Variants in OS9 observed in about 807,000 individuals in gnomAD.
The protein encoded by OS9 is OS9 endoplasmic reticulum lectin.
OS9 carries 58 observed loss-of-function variants against 84.7 expected under a neutral mutation model. The observed-to-expected ratio is 0.68, with a 90% CI of 0.55 to 0.85. The LOEUF is 0.85. OS9 is among the 40% of genes least tolerant of loss of function. OS9 has a pLI of 0.00. For missense variants in OS9, 760 were observed against 850.9 expected, an observed-to-expected ratio of 0.89 and a Z score of 1.33; for synonymous variants, 278 against 320.8, an observed-to-expected ratio of 0.87 and a Z score of 1.43.
chr12:57,696,225 T>A, intron 4 of OS9, 50 bp from the exon 5 acceptor site: 1 of 1,456,746 alleles, frequency 6.9e-7, no homozygotes, highest in Non-Finnish European at 9.6e-7. Flanking sequence ...CCATCCTTCC[T>A]CTTTGCTATC....
Position 57,717,903 on chromosome 12 carries a change from G to A in OS9, c.1079G>A (p.Arg360Gln), listed in dbSNP as rs1352883763. ...FQNNVQVKVI[R>Q]SPADLIRFIE... ...AACAACGTGCAGGTCAAAGTCATTC[G>A]AAGCCCTGCGGATTTGATTCGATTC... is the stretch of plus-strand genomic sequence containing the variant. Residue 360 changes from arginine (R) to glutamine (Q), a missense_variant, in exon 10 of 15, where the codon CGA becomes CAA. Transcript: ENST00000315970. The A allele has an allele frequency of 5.6e-6, 9 of 1,610,778 alleles. No homozygotes were observed. Among genetic ancestry groups the A allele is most frequent in the Admixed American group, 5.0e-5 (3 of 59,652 alleles).
rs201904620 is a variant in OS9, at chr12:57,720,241, G to A, written c.1743G>A (p.Glu581=). 6.2e-7 allele frequency: 1 copy of A among 1,614,064 alleles called. No homozygotes were observed. The change falls in exon 13 of 15, where the codon GAG becomes GAA. Residue 581 remains glutamate (E), a synonymous_variant. Transcript: ENST00000315970. ...QIEGLVKELL[E]REGLTAAGKI... is the part of the protein sequence containing the mutation. ...AGGGGCTGGTGAAGGAGCTGCTGGAGAGGGAGGGACTCACAGCTGCAGGTG... is the reference window on the plus strand; with the variant it reads ...AGGGGCTGGTGAAGGAGCTGCTGGAAAGGGAGGGACTCACAGCTGCAGGTG...
At position 57,697,333 on chromosome 12, in the gene OS9, A is replaced by G. The variant is rs112764724; in HGVS notation, c.579+960A>G. Among the ~76,000 whole-genome samples the G allele has an allele frequency of 3.7e-3, 569 of 152,342 alleles. 13 individuals are homozygous for G. The South Asian group carries it at 0.066, about 18-fold the overall frequency. ...TCTGTTCAGTCCTGAAAAACCTTCA[A>G]TGTTTCTGCCTTGCACAAAGGCTAA... On this transcript the variant is annotated intron_variant, in intron 5 of 14. Transcript: ENST00000315970.
At chr12:57,695,349 T>G in intron 2 of OS9, 1 of 384,098 alleles carries the variant, frequency 2.6e-6, no homozygotes. Context: ...GAGTGTAAAC[T>G]CCATGAGGTC....
chr12:57,695,228 C>T (rs753547048), intron 2 of OS9: 26 of 443,098 alleles, frequency 5.9e-5, no homozygotes, highest in African/African-American at 4.0e-4. Context: ...CACCCCCTGC[C>T]CTATCACTCT....
At position 57,720,166 on chromosome 12, in the gene OS9, T is replaced by C; in HGVS notation, c.1668T>C (p.Asp556=). Residue 556 remains aspartate, a synonymous_variant, in exon 13 of 15, where the codon GAT becomes GAC. Transcript: ENST00000315970. ...TKLRLGGPNQ[D]LTVLEMKREN... ...TCCGTCTCGGAGGCCCTAATCAGGA[T>C]CTGACTGTCCTCGAGATGAAACGGG... 1 of 1,614,136 alleles carries C rather than the reference T, an allele frequency of 6.2e-7. No homozygotes were observed. Among genetic ancestry groups the C allele is most frequent in the Non-Finnish European group, 8.5e-7 (1 of 1,180,022 alleles).
chr12:57,713,099 G>C (rs904164419), intron 5 of OS9, among the ~76,000 whole-genome samples: 1 of 152,152 alleles, frequency 6.6e-6, no homozygotes, highest in African/African-American at 2.4e-5. Context: ...CCCTTTCCCT[G>C]GTTCTCTCTG....
At chr12:57,712,013 T>C (rs1182991703) in intron 5 of OS9, among the ~76,000 whole-genome samples, 1 of 152,238 alleles carries the variant, frequency 6.6e-6, no homozygotes, top group Non-Finnish European at 1.5e-5. Context: ...TTTTAAACTT[T>C]TTATTACAGA....
chr12:57,697,206 A>G (rs1278888203), intron 5 of OS9, among the ~76,000 whole-genome samples: 1 of 152,352 alleles, frequency 6.6e-6, no homozygotes, highest in East Asian at 1.9e-4. Flanking sequence ...CCTGTGGTAT[A>G]AATACTCCCA....
chr12:57,715,674 C>A, intron 5 of OS9, 86 bp from the exon 6 acceptor site: 1 of 901,658 alleles, frequency 1.1e-6, no homozygotes, highest in South Asian at 1.6e-5. Flanking sequence ...GACAGATAAT[C>A]AGTGCTTAGT....
Position 57,694,169 on chromosome 12 carries a change from CG to C in OS9, c.10del (p.Glu4LysfsTer8). 6.2e-7 allele frequency: 1 copy of C among 1,614,040 alleles called. No homozygotes were observed. Among genetic ancestry groups the C allele is most frequent in the Middle Eastern group, 1.6e-4 (1 of 6,062 alleles). MA[A>X]ETLLSSLLGL... is the part of the protein sequence containing the mutation. ...TAAGAAGGGGAACGAAAGATGGCGG[CG>C]GAAACGCTGCTGTCCAGTTTGTTAG... On this transcript the variant is annotated frameshift_variant, in exon 1 of 15. Transcript: ENST00000315970. LOFTEE classifies it high-confidence loss of function.
At chr12:57,707,826 A>G (rs1443095490) in intron 5 of OS9, among the ~76,000 whole-genome samples, 1 of 151,896 alleles carries the variant, frequency 6.6e-6, no homozygotes, top group African/African-American at 2.4e-5. Flanking sequence ...ATGGTAGCTC[A>G]TGCCCTATAA....
Position 57,720,228 on chromosome 12 carries a change from A to C in OS9, c.1730A>C (p.Lys577Thr). 6.2e-7 allele frequency: 1 copy of C among 1,614,138 alleles called. No homozygotes were observed. Among genetic ancestry groups the C allele is most frequent in the Non-Finnish European group, 8.5e-7 (1 of 1,180,022 alleles). Residue 577 changes from lysine to threonine, a missense_variant, in exon 13 of 15, where the codon AAG becomes ACG. Lys to Thr is a moderately conservative substitution (Grantham distance 78, BLOSUM62 -1). Coordinates refer to ENST00000315970, the MANE Select transcript of OS9 (RefSeq NM_006812.4). ...CTGAAACAAATCGAGGGGCTGGTGA[A>C]GGAGCTGCTGGAGAGGGAGGGACTC... is the stretch of plus-strand genomic sequence containing the variant. ...PQLKQIEGLV[K>T]ELLEREGLTA...
rs1361271405 is a variant in OS9 at position 57,695,500 on chromosome 12, T to C, written c.340-280T>C. The C allele has an allele frequency of 4.7e-6, 3 of 635,390 alleles. No individual in the cohort carries two copies. The African/African-American group carries it at 5.4e-5, about 11-fold the overall frequency. 39.4% of individuals were successfully genotyped at this position (635,390 alleles called of 1,614,324 possible). A position where few individuals can be genotyped will look rare whatever the true frequency, so the allele number is the denominator to read the frequency against. ...GCTTCAGGGATACCATAATTTCTTA[T>C]CTTTATGGAGGGCAAATAAGGATTT... On this transcript the variant is annotated intron_variant, in intron 2 of 14. Transcript: ENST00000315970.
In OS9 at chr12:57,721,225, T is replaced by C. The variant is rs1954672170; in HGVS notation, c.*316T>C. On this transcript the variant is annotated 3_prime_UTR_variant, in exon 15 of 15. Coordinates refer to ENST00000315970, the MANE Select transcript of OS9 (RefSeq NM_006812.4). ...TATTCCCTGCTGCCTACCTGGAGAT[T>C]CAGTAGGATCTTTTGAGTGGAGGTG... 1.0e-5 allele frequency: 3 copies of C among 297,698 alleles called. No individual in the cohort carries two copies. Among genetic ancestry groups the C allele is most frequent in the Non-Finnish European group, 1.9e-5 (3 of 154,384 alleles). The allele number at this position is 297,698 out of a possible 1,614,324, so 18.4% of individuals were successfully genotyped here.
chr12:57,717,398 G>A lies in OS9; in HGVS notation c.1046-472G>A, dbSNP rs953019491. 4.6e-5 allele frequency among the ~76,000 whole-genome samples: 7 copies of A among 152,226 alleles called. 1 individual carries two copies. The highest frequency in any genetic ancestry group is 4.1e-4 in the South Asian group (2 of 4,834). On this transcript the variant is annotated intron_variant, in intron 9 of 14. Coordinates refer to ENST00000315970, the MANE Select transcript of OS9 (RefSeq NM_006812.4). ...AGAGAGAATTTAGGAGCGCAGTAGC[G>A]CACACCTGTAATCCTAGTTACTTGG...
At chr12:57,709,906 G>A (rs140082160) in intron 5 of OS9, among the ~76,000 whole-genome samples, 3,544 of 151,742 alleles carry the variant, frequency 0.023, 127 homozygotes, top group African/African-American at 0.079. Context: ...AGGCTGGAGT[G>A]CAGTGGCATG....
rs1408762817 is a variant in OS9, at chr12:57,720,536, C to G, written c.1878+18C>G. The G allele has an allele frequency of 1.3e-6, 2 of 1,547,886 alleles. No individual in the cohort carries two copies. The highest frequency in any genetic ancestry group is 8.9e-7 in the Non-Finnish European group (1 of 1,119,618). The stretch of plus-strand genomic sequence containing the variant: ...ATATCTTGGTAAGAGGCTTCTACCC[C>G]CGAGTCCTGGCCCCCAGCCCTCCTG... On this transcript the variant is annotated intron_variant, in intron 14 of 14. Coordinates refer to ENST00000315970, the MANE Select transcript of OS9 (RefSeq NM_006812.4).
chr12:57,699,987 C>T (rs538254941), intron 5 of OS9, among the ~76,000 whole-genome samples: 40 of 151,960 alleles, frequency 2.6e-4, no homozygotes, highest in African/African-American at 9.4e-4. Context: ...CCCAGCTACT[C>T]GGGAGGCTGA....
Sources: allele counts gnomAD v4.1 joint callset (sites outside exome capture counted in the v4.1 genomes callset), GRCh38; gene constraint gnomAD v4.1.1; transcripts MANE v1.5; gene names NCBI Gene and HGNC (gene_info 2026-07-23, HGNC 2026-07-21).